Variants in ZC3H7A observed in about 807,000 individuals in gnomAD.
The protein encoded by ZC3H7A is zinc finger CCCH domain-containing protein 7A.
A neutral mutation model predicts 125.5 loss-of-function variants in ZC3H7A; 44 were observed. The ratio of observed to expected loss-of-function variants is 0.35; its 90% CI spans 0.28 to 0.45. ZC3H7A has a LOEUF of 0.45. Ranked by LOEUF, ZC3H7A falls within the 20% of genes least tolerant of loss-of-function variation. The pLI, the probability that ZC3H7A is intolerant of heterozygous loss-of-function variation, is 1.00. For missense variants in ZC3H7A, 977 were observed against 1,170.7 expected, an observed-to-expected ratio of 0.83 and a Z score of 2.41; for synonymous variants, 399 against 391.2, an observed-to-expected ratio of 1.02 and a Z score of -0.23.
intron 13 of ZC3H7A, among the ~76,000 whole-genome samples, chr16:11,766,515 G>C (rs994745616): frequency 6.6e-6 from 1 of 152,234 alleles, no homozygotes; most frequent in Non-Finnish European, 1.5e-5. Flanking sequence ...GCAGTGAGCC[G>C]AGATTGTGCC....
chr16:11,782,589 C>G lies in ZC3H7A; in HGVS notation c.-34-201G>C, dbSNP rs936320781. On this transcript the variant is annotated intron_variant, in intron 1 of 22. Coordinates refer to ENST00000355758, the MANE Select transcript of ZC3H7A (RefSeq NM_014153.4). ...GTGGTCCGGCACACCATAAGCACACCGTTTTCATATTCTTTTTTTTTTTTT... is the reference window on the plus strand; with the variant it reads ...GTGGTCCGGCACACCATAAGCACACGGTTTTCATATTCTTTTTTTTTTTTT... 8.6e-5 allele frequency: 32 copies of G among 372,388 alleles called. No homozygotes were observed. The East Asian group carries it at 1.4e-3, about 16-fold the overall frequency. 23.1% of individuals were successfully genotyped at this position (372,388 alleles called of 1,614,324 possible). A position where few individuals can be genotyped will look rare whatever the true frequency, so the allele number is the denominator to read the frequency against.
Position 11,773,128 on chromosome 16 carries a change from T to C in ZC3H7A, c.903+1108A>G, listed in dbSNP as rs931434444. Among the ~76,000 whole-genome samples, 8 of 152,002 alleles carry C rather than the reference T, an allele frequency of 5.3e-5. 1 individual carries two copies. Among genetic ancestry groups the C allele is most frequent in the African/African-American group, 1.9e-4 (8 of 41,246 alleles). On this transcript the variant is annotated intron_variant, in intron 9 of 22. Transcript: ENST00000355758. ...AGCACATAAAATGAATAGTCACTGA[T>C]GTGTTCCAGTAAAACTTTACTTACG...
chr16:11,756,430 CTA>C, intron 20 of ZC3H7A, 60 bp from the exon 21 acceptor site: 1 of 1,579,600 alleles, frequency 6.3e-7, no homozygotes, highest in Non-Finnish European at 8.6e-7. Flanking sequence ...ATACATGCAA[CTA>C]TGTGCATATT....
Position 11,765,177 on chromosome 16 carries a change from T to TA in ZC3H7A, c.1720-25_1720-24insT, listed in dbSNP as rs2141177055. The TA allele has an allele frequency of 4.2e-5, 59 of 1,390,746 alleles. No homozygotes were observed. Among genetic ancestry groups the TA allele is most frequent in the Non-Finnish European group, 5.0e-5 (51 of 1,024,074 alleles). The allele number at this position is 1,390,746 out of a possible 1,614,324, so 86.2% of individuals were successfully genotyped here. A position where few individuals can be genotyped will look rare whatever the true frequency, so the allele number is the denominator to read the frequency against. ...TTCTGGAATAGAGAGAGAAAGATTA[T>TA]CAAAAAAAATACAAAATATAAATTT... On this transcript the variant is annotated intron_variant, in intron 14 of 22. Transcript: ENST00000355758. This position sits in a 1 kb window ranked among gnomAD's most constrained non-coding sequence, Gnocchi z 4.8.
Position 11,781,411 on chromosome 16 carries a change from C to T in ZC3H7A, c.108+14G>A, listed in dbSNP as rs1358146991. On this transcript the variant is annotated intron_variant, in intron 3 of 22. Coordinates refer to ENST00000355758, the MANE Select transcript of ZC3H7A (RefSeq NM_014153.4). ...CTTGCAGAGCTTTCAAGCAGACCTT[C>T]CCGGAGTCATTACCGCATATTGCTC... 1 of 1,600,580 alleles carries T rather than the reference C, an allele frequency of 6.2e-7. No individual in the cohort carries two copies. Among genetic ancestry groups the T allele is most frequent in the African/African-American group, 1.3e-5 (1 of 74,820 alleles).
chr16:11,754,580 T>G (rs1450784663), intron 21 of ZC3H7A, among the ~76,000 whole-genome samples: 1 of 151,632 alleles, frequency 6.6e-6, no homozygotes, highest in Non-Finnish European at 1.5e-5. Flanking sequence ...CCACATCAAG[T>G]GGAACTATAG....
Position 11,751,292 on chromosome 16 carries a change from G to A in ZC3H7A, c.*25C>T, listed in dbSNP as rs573623978. On this transcript the variant is annotated 3_prime_UTR_variant, in exon 23 of 23. Coordinates refer to ENST00000355758, the MANE Select transcript of ZC3H7A (RefSeq NM_014153.4). Reference sequence around the variant, plus strand: ...ATTTTTCTGGTCAATGCTCTGATTAGGTATCATACATAAAAGCCAGCATAT... The same window carrying A: ...ATTTTTCTGGTCAATGCTCTGATTAAGTATCATACATAAAAGCCAGCATAT... 1.3e-6 allele frequency: 2 copies of A among 1,594,376 alleles called. No homozygotes were observed. The highest frequency in any genetic ancestry group is 1.3e-5 in the African/African-American group (1 of 74,218).
At chr16:11,761,598 G>A in intron 18 of ZC3H7A, 87 bp from the exon 19 acceptor site, 1 of 1,357,562 alleles carries the variant, frequency 7.4e-7, no homozygotes, top group Non-Finnish European at 1.0e-6. Flanking sequence ...TGTACCTGAG[G>A]AACCAGAGAA....
chr16:11,776,523 C>T lies in ZC3H7A; in HGVS notation c.475G>A (p.Val159Ile), dbSNP rs889894825. ...GCTAGTTCTTGAGTTAGTTTTATTA[C>T]ATGCTCATCCTGAAAAAAATAAGTA... The part of the protein sequence containing the change: ...CSLAVPQDEH[V>I]IKLTQELAQK... The change falls in exon 6 of 23, where the codon GTA becomes ATA. Residue 159 changes from valine to isoleucine, a missense_variant. Physicochemically the swap from Val to Ile is conservative, Grantham distance 29. This residue lies in a region of ZC3H7A where 199 missense variants were observed against 256.1 expected (regional missense o/e 0.78). Transcript: ENST00000355758. The T allele has an allele frequency of 6.2e-7, 1 of 1,606,566 alleles. No individual in the cohort carries two copies. Among genetic ancestry groups the T allele is most frequent in the Non-Finnish European group, 8.5e-7 (1 of 1,177,706 alleles).
intron 10 of ZC3H7A, among the ~76,000 whole-genome samples, chr16:11,769,784 CTTTTTTTTTTTTTTT>C (rs200241879): frequency 1.6e-5 from 1 of 61,608 alleles, no homozygotes; most frequent in Non-Finnish European, 2.6e-5. Flanking sequence ...CAATTGCTTT[CTTTTTTTTTTTTTTT>C]TTTTTTTTGA....
intron 21 of ZC3H7A, among the ~76,000 whole-genome samples, chr16:11,753,329 T>C (rs1424063890): frequency 6.6e-6 from 1 of 152,234 alleles, no homozygotes; most frequent in African/African-American, 2.4e-5. Flanking sequence ...CTACAACAGA[T>C]GCAAACTATA....
chr16:11,753,453 AT>A (rs759799771), intron 21 of ZC3H7A, among the ~76,000 whole-genome samples: 2 of 152,036 alleles, frequency 1.3e-5, no homozygotes, highest in African/African-American at 4.8e-5. Flanking sequence ...TTATTACTTT[AT>A]TTTTTTAGAG....
chr16:11,782,433 C>A (rs2053187508), intron 1 of ZC3H7A, 45 bp from the exon 2 acceptor site: 3 of 1,536,352 alleles, frequency 2.0e-6, no homozygotes, highest in South Asian at 2.2e-5. Flanking sequence ...ACCAGGGTCC[C>A]TGGACTCCAA....
At chr16:11,755,024 A>G (rs2052617821) in intron 21 of ZC3H7A, among the ~76,000 whole-genome samples, 1 of 151,942 alleles carries the variant, frequency 6.6e-6, no homozygotes, top group Admixed American at 6.6e-5. Context: ...CCTGGCCAAC[A>G]TGGTGAAACC....
At chr16:11,769,316 T>G (rs1462707089) in intron 10 of ZC3H7A, among the ~76,000 whole-genome samples, 2 of 151,990 alleles carry the variant, frequency 1.3e-5, no homozygotes, top group Non-Finnish European at 2.9e-5. Context: ...AAAACCTACT[T>G]CCAGAAAAAT....
chr16:11,774,929 G>A lies in ZC3H7A; in HGVS notation c.619+51C>T, dbSNP rs376100101. On this transcript the variant is annotated intron_variant, in intron 8 of 22. Coordinates refer to ENST00000355758, the MANE Select transcript of ZC3H7A (RefSeq NM_014153.4). ...CAATACATCACATACAAAGACATCA[G>A]GTACAAAGCTGGCACTATTCAAATT... 33 of 1,582,716 alleles carry A rather than the reference G, an allele frequency of 2.1e-5. No individual in the cohort carries two copies. In the African/African-American group the frequency reaches 3.6e-4, roughly 17 times the overall value.
rs140643642 is a variant in ZC3H7A at position 11,783,653 on chromosome 16, C to T, written c.-34-1265G>A. On this transcript the variant is annotated intron_variant, in intron 1 of 22. Transcript: ENST00000355758. ...CAACTGAGACCTAAAGTTAAGACAA[C>T]ATCTTACACATAAACCACGTATTTG... 8.5e-5 allele frequency among the ~76,000 whole-genome samples: 13 copies of T among 152,328 alleles called. No individual in the cohort carries two copies. In the East Asian group the frequency reaches 2.5e-3, roughly 29 times the overall value.
rs1567389038 is a variant in ZC3H7A at position 11,779,365 on chromosome 16, T to C, written c.109-2A>G. On this transcript the variant is annotated splice_acceptor_variant, in intron 3 of 22. Coordinates refer to ENST00000355758, the MANE Select transcript of ZC3H7A (RefSeq NM_014153.4). LOFTEE classifies it high-confidence loss of function. ...TCTCACGAGAGCACGCAAATATACC[T>C]AAAAAAAAGAAAGTTACCACTTGAA... The C allele has an allele frequency of 6.2e-7, 1 of 1,602,228 alleles. No homozygotes were observed. Among genetic ancestry groups the C allele is most frequent in the Admixed American group, 1.8e-5 (1 of 56,834 alleles).
chr16:11,780,638 C>G (rs1404249977), intron 3 of ZC3H7A, among the ~76,000 whole-genome samples: 1 of 152,210 alleles, frequency 6.6e-6, no homozygotes, highest in East Asian at 1.9e-4. Flanking sequence ...ACAACTGTTA[C>G]AGTTTATTTC....
Sources: allele counts gnomAD v4.1 joint callset (sites outside exome capture counted in the v4.1 genomes callset), GRCh38; gene constraint gnomAD v4.1.1; regional missense constraint gnomAD v4.1.1; non-coding constraint Gnocchi (gnomAD v3.1); transcripts MANE v1.5; gene names NCBI Gene and HGNC (gene_info 2026-07-23, HGNC 2026-07-21).